The following ARPC1A variants were observed in gnomAD, a reference collection of about 807,000 sequenced individuals.
ARPC1A encodes the protein actin related protein 2/3 complex subunit 1A.
In ARPC1A, 8 loss-of-function variants were observed where a neutral mutation model predicts 46.9. That is an observed-to-expected ratio of 0.17 (90% confidence interval 0.10 to 0.31). The LOEUF is 0.31. Ranked by LOEUF, ARPC1A falls within the 10% of genes least tolerant of loss-of-function variation. The pLI is 1.00. For missense variants in ARPC1A, 286 were observed against 483.6 expected (o/e 0.59, Z 3.83); for synonymous variants, 152 against 169.0 (o/e 0.90, Z 0.78).
intron 6 of ARPC1A, among the ~76,000 whole-genome samples, chr7:99,354,566 G>A (rs1011431249): frequency 6.0e-5 from 9 of 151,074 alleles, no homozygotes; most frequent in African/African-American, 2.2e-4. Flanking sequence ...ACTGCAGGCA[G>A]GCAGGCCTCA....
chr7:99,344,914 A>T, intron 4 of ARPC1A, among the ~76,000 whole-genome samples: 1 of 122,390 alleles, frequency 8.2e-6, no homozygotes, highest in Non-Finnish European at 1.6e-5. Context: ...TACAGATAAC[A>T]ATGTTCTTTT....
At chr7:99,334,302 C>T (rs970762608) in intron 2 of ARPC1A, among the ~76,000 whole-genome samples, 2 of 151,650 alleles carry the variant, frequency 1.3e-5, no homozygotes, top group Non-Finnish European at 1.5e-5. Context: ...GCAGAGGTTG[C>T]AGTGATCTGA....
intron 3 of ARPC1A, chr7:99,339,872 C>T (rs1793329559): frequency 2.4e-6 from 1 of 422,040 alleles, no homozygotes; most frequent in Non-Finnish European, 5.0e-6. Flanking sequence ...TGCATATCTG[C>T]AGTGCAGTGT....
chr7:99,343,024 T>C (rs1793380628), intron 3 of ARPC1A, among the ~76,000 whole-genome samples: 1 of 152,116 alleles, frequency 6.6e-6, no homozygotes, highest in South Asian at 2.1e-4. Flanking sequence ...TCACTATGAC[T>C]TATGGGTAAT....
At chr7:99,338,368 G>T in intron 3 of ARPC1A, 83 bp downstream of exon 3, 1 of 908,586 alleles carries the variant, frequency 1.1e-6, no homozygotes, top group South Asian at 2.1e-5. Context: ...AATAAACCCA[G>T]GTGGCCATAA....
intron 7 of ARPC1A, 94 bp from the exon 8 acceptor site, chr7:99,359,451 A>G (rs1467458513): frequency 1.6e-6 from 2 of 1,269,542 alleles, no homozygotes; most frequent in East Asian, 2.5e-5. Context: ...AAAAAAAAAA[A>G]AAGAGTAAGA....
At position 99,343,762 on chromosome 7, in the gene ARPC1A, A is replaced by G. The variant is rs1287941879; in HGVS notation, c.170-531A>G. 3.9e-5 allele frequency among the ~76,000 whole-genome samples: 6 copies of G among 152,332 alleles called. 1 individual carries two copies. In the East Asian group the frequency reaches 7.7e-4, roughly 20 times the overall value. Reference sequence around the variant, plus strand: ...TAGAAAAGGTTTTCAGTATGGTTCAACTGGCAGTGACTTTCAGAAGAATAT... The same window carrying G: ...TAGAAAAGGTTTTCAGTATGGTTCAGCTGGCAGTGACTTTCAGAAGAATAT... On this transcript the variant is annotated intron_variant, in intron 3 of 9. Transcript: ENST00000262942.
intron 1 of ARPC1A, among the ~76,000 whole-genome samples, chr7:99,331,833 C>T (rs1257338658): frequency 6.6e-6 from 1 of 152,204 alleles, no homozygotes; most frequent in Non-Finnish European, 1.5e-5. Flanking sequence ...GCAGGAGGAT[C>T]ACCTGAGTCC....
chr7:99,327,503 G>C (rs914032871), intron 1 of ARPC1A, among the ~76,000 whole-genome samples: 1 of 121,196 alleles, frequency 8.3e-6, no homozygotes, highest in Non-Finnish European at 1.7e-5. Context: ...TGTATTTTTT[G>C]TAAAGACAGG....
chr7:99,355,114 C>CA (rs76934314), intron 6 of ARPC1A, among the ~76,000 whole-genome samples: 2,058 of 85,332 alleles, frequency 0.024, 48 homozygotes, highest in African/African-American at 0.073. Context: ...AACTCCGTCT[C>CA]AAAAAAAAAA....
rs896959183 is a variant in ARPC1A, at chr7:99,365,601, C to G, written c.1075-290C>G. 3.4e-5 allele frequency among the ~76,000 whole-genome samples: 5 copies of G among 149,192 alleles called. No individual in the cohort carries two copies. The Admixed American group carries it at 3.4e-4, about 10-fold the overall frequency. On this transcript the variant is annotated intron_variant, in intron 9 of 9. Transcript: ENST00000262942. ...TGCACTCCAGCCTGGGGCAACAGAG[C>G]AAGACCCTATCTTTAAAAAAAAAAA...
chr7:99,327,666 G>A (rs1266388190), intron 1 of ARPC1A, among the ~76,000 whole-genome samples: 9 of 151,944 alleles, frequency 5.9e-5, no homozygotes, highest in African/African-American at 1.9e-4. Flanking sequence ...ATCTTCTGGA[G>A]TTCATCTGTT....
chr7:99,363,228 A>C (rs1309601663), intron 8 of ARPC1A, among the ~76,000 whole-genome samples: 1 of 152,020 alleles, frequency 6.6e-6, no homozygotes, highest in Non-Finnish European at 1.5e-5. Context: ...GTATTTTCTG[A>C]GCCAGATTGT....
chr7:99,335,562 T>A (rs1293761921), intron 2 of ARPC1A: 3 of 292,768 alleles, frequency 1.0e-5, no homozygotes, highest in Middle Eastern at 4.2e-4. Context: ...TCGCTTGCAT[T>A]TCCATATGAA....
intron 4 of ARPC1A, among the ~76,000 whole-genome samples, chr7:99,346,173 G>A (rs972505582): frequency 1.0e-4 from 15 of 149,856 alleles, no homozygotes; most frequent in Non-Finnish European, 2.1e-4. Flanking sequence ...CCGAGATCAC[G>A]CCATTGCACT....
intron 1 of ARPC1A, among the ~76,000 whole-genome samples, chr7:99,329,532 A>G (rs1168306243): frequency 6.6e-6 from 1 of 152,220 alleles, no homozygotes; most frequent in Non-Finnish European, 1.5e-5. Flanking sequence ...CATGAATGCA[A>G]GTGGTGTTTG....
At chr7:99,361,067 T>G (rs1584388008) in intron 8 of ARPC1A, among the ~76,000 whole-genome samples, 1 of 152,294 alleles carries the variant, frequency 6.6e-6, no homozygotes, top group East Asian at 1.9e-4. Flanking sequence ...AGAATCTTAT[T>G]GTGGTATTGA....
chr7:99,337,314 C>T (rs1419557404), intron 2 of ARPC1A, among the ~76,000 whole-genome samples: 1 of 152,038 alleles, frequency 6.6e-6, no homozygotes, highest in Non-Finnish European at 1.5e-5. Flanking sequence ...CCAGCTACTT[C>T]GGAGGCTAAG....
chr7:99,362,148 C>T lies in ARPC1A; in HGVS notation c.984-1395C>T, dbSNP rs566794912. On this transcript the variant is annotated intron_variant, in intron 8 of 9. Transcript: ENST00000262942. The stretch of plus-strand genomic sequence containing the variant: ...CGTCTCTATTAAAAATACAAAAATT[C>T]GCCAGCCTGGTGGCAGGTGCTTGTA... Among the ~76,000 whole-genome samples, 11 of 151,580 alleles carry T rather than the reference C, an allele frequency of 7.3e-5. No homozygotes were observed. The South Asian group carries it at 8.4e-4, about 12-fold the overall frequency.
Sources: gnomAD v4.1 joint callset for allele counts (sites outside exome capture counted in the v4.1 genomes callset) on GRCh38, gnomAD v4.1.1 for gene constraint, MANE v1.5 for transcripts, NCBI Gene and HGNC (gene_info 2026-07-23, HGNC 2026-07-21) for gene names.